The following NLK variants were observed in gnomAD, a reference collection of about 807,000 sequenced individuals.
The protein encoded by NLK is serine/threonine-protein kinase NLK.
NLK carries 11 observed loss-of-function variants against 59.0 expected under a neutral mutation model. The observed-to-expected ratio is 0.19, with a 90% CI of 0.12 to 0.31. NLK has a LOEUF of 0.31. Ranked by LOEUF, NLK falls within the 10% of genes least tolerant of loss-of-function variation. The probability of loss-of-function intolerance (pLI) is 1.00; values close to 1 mark genes in which losing one functional copy is unlikely to be tolerated. For missense variants in NLK, 410 were observed against 661.1 expected (o/e 0.62, Z 4.16); for synonymous variants, 235 against 235.9 (o/e 1.00, Z 0.03).
chr17:28,043,406 G>A, intron 1 of NLK, 75 bp downstream of exon 1: 1 of 1,282,278 alleles, frequency 7.8e-7, no homozygotes, highest in Non-Finnish European at 1.1e-6. Flanking sequence ...CATCTCTAAT[G>A]GTTGTCTCCA....
At chr17:28,045,487 T>G (rs1440099015) in intron 1 of NLK, among the ~76,000 whole-genome samples, 2 of 152,236 alleles carry the variant, frequency 1.3e-5, no homozygotes, top group Non-Finnish European at 2.9e-5. Context: ...GCCGTCCTCC[T>G]GTGTTATCAC....
downstream of NLK, among the ~76,000 whole-genome samples, chr17:28,196,587 T>C (rs1010001087): frequency 6.6e-6 from 1 of 152,218 alleles, no homozygotes; most frequent in Admixed American, 6.5e-5. Context: ...ATCAAAGATG[T>C]GATTTAAATA....
intron 6 of NLK, among the ~76,000 whole-genome samples, chr17:28,170,446 G>A (rs1450445228): frequency 6.6e-6 from 1 of 151,504 alleles, no homozygotes; most frequent in Non-Finnish European, 1.5e-5. Flanking sequence ...AACTATATCT[G>A]CTTTTATCAA....
At chr17:28,055,125 G>A (rs1474929146) in intron 1 of NLK, among the ~76,000 whole-genome samples, 1 of 140,654 alleles carries the variant, frequency 7.1e-6, no homozygotes, top group Non-Finnish European at 1.5e-5. Context: ...ACGGATTCTC[G>A]CTCTGTCACC....
rs1373885160 is a variant in NLK at position 28,163,633 on chromosome 17, C to T, written c.837+5C>T. On this transcript the variant is annotated splice_donor_5th_base_variant and intron_variant, in intron 5 of 10. Coordinates refer to ENST00000407008, the MANE Select transcript of NLK (RefSeq NM_016231.5). Reference sequence around the variant, plus strand: ...AACAGCAACTGTGTTCTAAAGGTAGCTTTTCAGTTTATTTAAATACCTGGG... The same window carrying T: ...AACAGCAACTGTGTTCTAAAGGTAGTTTTTCAGTTTATTTAAATACCTGGG... 5 of 1,554,044 alleles carry T rather than the reference C, an allele frequency of 3.2e-6. No individual in the cohort carries two copies.
At chr17:28,125,400 G>GT (rs1221133036) in intron 2 of NLK, among the ~76,000 whole-genome samples, 2 of 152,124 alleles carry the variant, frequency 1.3e-5, no homozygotes, top group Non-Finnish European at 2.9e-5. Context: ...CAATCTTTAA[G>GT]TTTTTTTCAT....
At chr17:28,106,874 A>G (rs774922254) in intron 1 of NLK, among the ~76,000 whole-genome samples, 5 of 152,204 alleles carry the variant, frequency 3.3e-5, no homozygotes, top group Non-Finnish European at 5.9e-5. Flanking sequence ...CTACATGCCA[A>G]TTTCAACAAG....
chr17:28,136,794 G>A (rs1906766287), intron 3 of NLK, among the ~76,000 whole-genome samples: 1 of 151,974 alleles, frequency 6.6e-6, no homozygotes, highest in Non-Finnish European at 1.5e-5. Flanking sequence ...GTACAGACGA[G>A]GTTTCACCAT....
downstream of NLK, among the ~76,000 whole-genome samples, chr17:28,197,468 C>CA (rs1158938151): frequency 0.063 from 5,352 of 84,290 alleles, 108 homozygotes; most frequent in African/African-American, 0.082. Context: ...GATTCTGTCT[C>CA]AAAAAAAAAA....
At chr17:28,176,399 G>A (rs1174292618) in intron 7 of NLK, among the ~76,000 whole-genome samples, 1 of 152,096 alleles carries the variant, frequency 6.6e-6, no homozygotes, top group African/African-American at 2.4e-5. Flanking sequence ...TATCATTTTT[G>A]TTCATAATTT....
chr17:28,048,180 G>A (rs1909126853), intron 1 of NLK: 3 of 378,998 alleles, frequency 7.9e-6, no homozygotes, highest in Non-Finnish European at 1.4e-5. Context: ...ATAAAGAGTA[G>A]AGAATAAAAG....
chr17:28,131,629 C>T (rs1253127173), intron 2 of NLK, among the ~76,000 whole-genome samples: 1 of 137,428 alleles, frequency 7.3e-6, no homozygotes, highest in Non-Finnish European at 1.6e-5. Context: ...AGCTACAGAT[C>T]ATAAAATTTG....
chr17:28,044,629 T>G (rs1441936251), intron 1 of NLK, among the ~76,000 whole-genome samples: 1 of 152,174 alleles, frequency 6.6e-6, no homozygotes, highest in East Asian at 1.9e-4. Flanking sequence ...CCTTGGTCAT[T>G]CTGCTCAGGG....
intron 3 of NLK, among the ~76,000 whole-genome samples, chr17:28,149,116 G>C (rs1478542930): frequency 3.3e-5 from 5 of 152,184 alleles, no homozygotes; most frequent in African/African-American, 9.7e-5. Context: ...ACGCTGGAGT[G>C]CAGTGGCAAT....
rs1491470204 is a variant in NLK, at chr17:28,067,546, AAG to A, written c.458+24216_458+24217del. Among the ~76,000 whole-genome samples, 11 of 152,040 alleles carry A rather than the reference AAG, an allele frequency of 7.2e-5. 1 individual carries two copies. The highest frequency in any genetic ancestry group is 4.4e-5 in the Non-Finnish European group (3 of 67,988). On this transcript the variant is annotated intron_variant, in intron 1 of 10. Coordinates refer to ENST00000407008, the MANE Select transcript of NLK (RefSeq NM_016231.5). Reference sequence around the variant, plus strand: ...ACAGAGAATTGTTTAAAAAAAAAAAAAGGCTGACAATTAAAAGTAGTGGAAAA... The same window carrying A: ...ACAGAGAATTGTTTAAAAAAAAAAAAGCTGACAATTAAAAGTAGTGGAAAA...
downstream of NLK, among the ~76,000 whole-genome samples, chr17:28,197,468 CAAAA>C (rs1158938151): frequency 8.3e-5 from 7 of 84,644 alleles, no homozygotes; most frequent in Non-Finnish European, 1.3e-4. Context: ...GATTCTGTCT[CAAAA>C]AAAAAAAAAA....
intron 3 of NLK, among the ~76,000 whole-genome samples, chr17:28,140,168 C>T (rs940417761): frequency 6.6e-6 from 1 of 151,826 alleles, no homozygotes; most frequent in African/African-American, 2.4e-5. Context: ...AGAAATTAAG[C>T]TAGGTGGGGC....
chr17:28,098,675 C>CTTTTTTTTTTTTTTT (rs781294029), intron 1 of NLK, among the ~76,000 whole-genome samples: 1 of 67,572 alleles, frequency 1.5e-5, no homozygotes, highest in Non-Finnish European at 2.9e-5. Flanking sequence ...CATTACCATT[C>CTTTTTTTTTTTTTTT]TTTTTTTTTT....
intron 9 of NLK, 52 bp downstream of exon 9, chr17:28,191,271 C>T (rs377391111): frequency 2.7e-4 from 372 of 1,403,646 alleles, no homozygotes; most frequent in Middle Eastern, 2.5e-3. Flanking sequence ...TAACATTTTC[C>T]ATTAGGTGGC....
Sources: gnomAD v4.1 joint callset for allele counts (sites outside exome capture counted in the v4.1 genomes callset) on GRCh38, gnomAD v4.1.1 for gene constraint, MANE v1.5 for transcripts, NCBI Gene and HGNC (gene_info 2026-07-23, HGNC 2026-07-21) for gene names.